Variants in NAV3 observed in about 807,000 individuals in gnomAD.
NAV3 encodes the protein neuron navigator 3, also known as pore membrane and/or filament interacting like protein 1.
A neutral mutation model predicts 244.7 loss-of-function variants in NAV3; 87 were observed. That is an observed-to-expected ratio of 0.36 (90% CI 0.30 to 0.42). The LOEUF (loss-of-function observed/expected upper bound fraction) is 0.42. Among genes scored for constraint, NAV3 ranks in the 20% least tolerant of loss-of-function variants. The pLI, the probability that NAV3 is intolerant of heterozygous loss-of-function variation, is 1.00. For missense variants in NAV3, 2,663 were observed against 2,893.3 expected (o/e 0.92, Z 1.83); for synonymous variants, 1,126 against 1,042.2 (o/e 1.08, Z -1.55).
intron 2 of NAV3, among the ~76,000 whole-genome samples, chr12:77,622,096 G>A (rs955426285): frequency 6.6e-6 from 1 of 152,080 alleles, no homozygotes; most frequent in African/African-American, 2.4e-5. Context: ...TTATACTGAT[G>A]AGAAAATTGA....
At chr12:78,142,715 ACATATATATGTGTGTGTGTGTG>A (rs1418032134) in intron 20 of NAV3, among the ~76,000 whole-genome samples, 3,072 of 65,710 alleles carry the variant, frequency 0.047, 184 homozygotes, top group Admixed American at 0.093. Context: ...GTATATATAT[ACATATATATGTGTGTGTGTGTG>A]TATATATATA....
upstream of NAV3, among the ~76,000 whole-genome samples, chr12:77,828,106 G>A (rs528653070): frequency 2.6e-5 from 4 of 152,268 alleles, no homozygotes; most frequent in African/African-American, 9.6e-5. Context: ...ATTAAGAGAT[G>A]GAGACATTAA....
chr12:77,873,375 C>T (rs1221248674), intron 1 of NAV3, among the ~76,000 whole-genome samples: 1 of 151,736 alleles, frequency 6.6e-6, no homozygotes, highest in Non-Finnish European at 1.5e-5. Flanking sequence ...TACTTTGTAA[C>T]AAATGATGTA....
At chr12:78,112,145 T>C (rs1372747190) in intron 12 of NAV3, among the ~76,000 whole-genome samples, 2 of 152,186 alleles carry the variant, frequency 1.3e-5, no homozygotes, top group African/African-American at 4.8e-5. Context: ...AGGCCAGATA[T>C]CTGCCCATGC....
At chr12:78,016,669 C>A (rs1346307380) in intron 8 of NAV3, among the ~76,000 whole-genome samples, 2 of 152,098 alleles carry the variant, frequency 1.3e-5, no homozygotes, top group African/African-American at 4.8e-5. Context: ...AATTACAATA[C>A]CATTAGTTAA....
intron 2 of NAV3, among the ~76,000 whole-genome samples, chr12:77,623,608 G>A (rs1011813726): frequency 6.6e-5 from 10 of 152,136 alleles, no homozygotes; most frequent in African/African-American, 1.4e-4. Flanking sequence ...CTATTTTACC[G>A]CTGCTCAGCA....
At chr12:77,858,915 T>C (rs983583740) in intron 1 of NAV3, among the ~76,000 whole-genome samples, 4 of 152,080 alleles carry the variant, frequency 2.6e-5, no homozygotes, top group Admixed American at 6.6e-5. Flanking sequence ...AATTCTGCTA[T>C]GATTTCCTAC....
At chr12:77,838,382 C>G (rs1565842918) in intron 1 of NAV3, among the ~76,000 whole-genome samples, 1 of 152,100 alleles carries the variant, frequency 6.6e-6, no homozygotes, top group African/African-American at 2.4e-5. Flanking sequence ...TTAGTTCATG[C>G]TTTACAGTGT....
chr12:77,659,405 A>G (rs1359526380), intron 2 of NAV3, among the ~76,000 whole-genome samples: 2 of 152,192 alleles, frequency 1.3e-5, no homozygotes, highest in Non-Finnish European at 2.9e-5. Context: ...CAAAATCACA[A>G]TGAGATATCA....
intron 9 of NAV3, among the ~76,000 whole-genome samples, chr12:78,032,651 T>A (rs1040568606): frequency 6.6e-6 from 1 of 152,344 alleles, no homozygotes; most frequent in Non-Finnish European, 1.5e-5. Flanking sequence ...ATTGAAGAAG[T>A]AGCTTATTGC....
At chr12:77,731,391 T>C (rs149841631) in intron 2 of NAV3, among the ~76,000 whole-genome samples, 173 of 152,116 alleles carry the variant, frequency 1.1e-3, no homozygotes, top group African/African-American at 3.6e-3. Context: ...GAAGAGGTGC[T>C]CAATTATACA....
intron 30 of NAV3, 123 bp downstream of exon 30, chr12:78,181,168 C>T: frequency 2.4e-6 from 2 of 843,942 alleles, no homozygotes; most frequent in East Asian, 2.7e-5. Context: ...CAGAAATAGT[C>T]CTAGTTTGAT....
intron 2 of NAV3, among the ~76,000 whole-genome samples, chr12:77,600,420 A>G (rs1870372170): frequency 2.0e-5 from 3 of 151,632 alleles, no homozygotes; most frequent in Admixed American, 2.0e-4. Flanking sequence ...CTTCTCTCCA[A>G]CTCATCATTT....
chr12:77,589,871 C>A (rs774119683), intron 2 of NAV3, among the ~76,000 whole-genome samples: 1 of 152,238 alleles, frequency 6.6e-6, no homozygotes, highest in Non-Finnish European at 1.5e-5. Flanking sequence ...ATTTGGACAC[C>A]ATTTCTGCTC....
In NAV3 at chr12:77,857,830, AAC is replaced by A. The variant is rs1251310488; in HGVS notation, c.243+26130_243+26131del. Among the ~76,000 whole-genome samples the A allele has an allele frequency of 7.2e-5, 11 of 151,958 alleles. 1 individual carries two copies. The highest frequency in any genetic ancestry group is 2.9e-5 in the Non-Finnish European group (2 of 67,890). The stretch of plus-strand genomic sequence containing the variant: ...AATGGGTGAAAACTGAACCCCCCCA[AAC>A]ACATTTATATTTACAATGCCATGGA... On this transcript the variant is annotated intron_variant, in intron 1 of 39. Transcript: ENST00000397909.
Position 77,925,313 on chromosome 12 carries a change from T to A in NAV3, c.244-15006T>A, listed in dbSNP as rs142590806. ...GAGGCTTGAATTTGAAATTTGGGGC[T>A]AATTTAAAATCTTTGACTTTTATTC... On this transcript the variant is annotated intron_variant, in intron 1 of 39. Transcript: ENST00000397909. Among the ~76,000 whole-genome samples the A allele has an allele frequency of 2.8e-3, 419 of 152,338 alleles. 5 individuals are homozygous for A. The highest frequency in any genetic ancestry group is 0.01 in the Middle Eastern group (3 of 294).
chr12:77,589,907 A>G (rs1869828078), intron 2 of NAV3, among the ~76,000 whole-genome samples: 1 of 152,202 alleles, frequency 6.6e-6, no homozygotes, highest in Non-Finnish European at 1.5e-5. Flanking sequence ...AACTTGATCA[A>G]TTTGCTTAAT....
chr12:78,185,487 TG>T, intron 30 of NAV3, 113 bp from the exon 31 acceptor site: 1 of 866,160 alleles, frequency 1.2e-6, no homozygotes, highest in Non-Finnish European at 1.8e-6. Context: ...TAGGCTAGAA[TG>T]GGAAGCAAAT....
intron 1 of NAV3, among the ~76,000 whole-genome samples, chr12:77,886,104 C>G (rs999269227): frequency 6.6e-6 from 1 of 152,104 alleles, no homozygotes; most frequent in African/African-American, 2.4e-5. Context: ...GGCTTACTGT[C>G]TCCTAACCAA....
Sources: allele counts gnomAD v4.1 joint callset (sites outside exome capture counted in the v4.1 genomes callset), GRCh38; gene constraint gnomAD v4.1.1; transcripts MANE v1.5; gene names NCBI Gene and HGNC (gene_info 2026-07-23, HGNC 2026-07-21).